The following SEL1L2 variants were observed in gnomAD, a reference collection of about 807,000 sequenced individuals.
SEL1L2 encodes protein sel-1 homolog 2.
In SEL1L2, 89 loss-of-function variants were observed where a neutral mutation model predicts 98.8. The observed-to-expected ratio is 0.90, with a 90% CI of 0.76 to 1.07. SEL1L2 has a LOEUF of 1.07. Ranked by LOEUF, SEL1L2 falls within the 50% of genes least tolerant of loss-of-function variation. The probability of loss-of-function intolerance (pLI) is 0.00; values close to 1 mark genes in which losing one functional copy is unlikely to be tolerated. For synonymous variants in SEL1L2, 262 were observed against 278.5 expected, an observed-to-expected ratio of 0.94 and a Z score of 0.59; for missense variants, 788 against 812.0, an observed-to-expected ratio of 0.97 and a Z score of 0.36.
chr20:13,888,108 A>T (rs1269055607), intron 6 of SEL1L2, 107 bp from the exon 7 acceptor site: 1 of 874,284 alleles, frequency 1.1e-6, no homozygotes, highest in African/African-American at 1.7e-5. Context: ...ATAATGACCC[A>T]TTGAGTTACT....
chr20:13,969,283 C>T (rs1248682563), intron 1 of SEL1L2, among the ~76,000 whole-genome samples: 1 of 152,182 alleles, frequency 6.6e-6, no homozygotes, highest in Non-Finnish European at 1.5e-5. Context: ...TCCCAAGTCA[C>T]CTTCCTTTCT....
intron 1 of SEL1L2, among the ~76,000 whole-genome samples, chr20:13,960,402 A>G (rs1224200641): frequency 6.6e-6 from 1 of 152,134 alleles, no homozygotes; most frequent in East Asian, 1.9e-4. Flanking sequence ...GAATTAGGGA[A>G]ATGGAAGGAA....
At chr20:13,951,304 G>GAAAT (rs1231521088) in intron 2 of SEL1L2, among the ~76,000 whole-genome samples, 37 of 100,096 alleles carry the variant, frequency 3.7e-4, no homozygotes, top group African/African-American at 9.0e-4. Context: ...AAAAAAGAAA[G>GAAAT]AAAGAAAGAA....
At position 13,887,981 on chromosome 20, in the gene SEL1L2, A is replaced by T. The variant is rs1252425657; in HGVS notation, c.624T>A (p.Phe208Leu). 1.9e-6 allele frequency: 3 copies of T among 1,613,734 alleles called. No homozygotes were observed. The Admixed American group carries it at 5.0e-5, about 27-fold the overall frequency. ...DQAKALIYYTFGSAGGNMMSQ... is the reference protein window; with the variant it reads ...DQAKALIYYTLGSAGGNMMSQ... ...ACATCATGTTTCCTCCAGCACTTCC[A>T]AAGGTGTAATATATCAGTGCCTAAA... Residue 208 changes from phenylalanine (F) to leucine (L), a missense_variant, in exon 7 of 20, where the codon TTT becomes TTA. Physicochemically the swap from Phe to Leu is conservative, Grantham distance 22. Coordinates refer to ENST00000284951, the MANE Select transcript of SEL1L2 (RefSeq NM_025229.2).
rs545115084 is a variant in SEL1L2 at position 13,922,381 on chromosome 20, T to G, written c.284-3258A>C. On this transcript the variant is annotated intron_variant, in intron 3 of 19. Coordinates refer to ENST00000284951, the MANE Select transcript of SEL1L2 (RefSeq NM_025229.2). The stretch of plus-strand genomic sequence containing the variant: ...CGATTGCATCTTTATTTGACTAAAC[T>G]CTTTGCTGAGTCATTCTTTCTTGGA... Among the ~76,000 whole-genome samples, 56 of 152,334 alleles carry G rather than the reference T, an allele frequency of 3.7e-4. 1 individual carries two copies. The highest frequency in any genetic ancestry group is 1.3e-3 in the African/African-American group (55 of 41,582).
At chr20:13,945,790 G>C (rs567370739) in intron 2 of SEL1L2, among the ~76,000 whole-genome samples, 2 of 152,048 alleles carry the variant, frequency 1.3e-5, no homozygotes, top group East Asian at 1.9e-4. Flanking sequence ...TCAACACATG[G>C]AAATTATGTA....
intron 12 of SEL1L2, among the ~76,000 whole-genome samples, chr20:13,870,544 A>G (rs765801492): frequency 6.6e-6 from 1 of 152,172 alleles, no homozygotes; most frequent in Non-Finnish European, 1.5e-5. Flanking sequence ...AAGAGTTCAC[A>G]CGCTAGGGGG....
chr20:13,991,447 C>T (rs1440900329), upstream of SEL1L2, among the ~76,000 whole-genome samples: 2 of 152,318 alleles, frequency 1.3e-5, no homozygotes, highest in East Asian at 3.9e-4. Context: ...ACCATTCTTA[C>T]AGGGCTAAAA....
chr20:13,965,761 T>C (rs1010883521), intron 1 of SEL1L2, among the ~76,000 whole-genome samples: 4 of 152,068 alleles, frequency 2.6e-5, no homozygotes, highest in Non-Finnish European at 2.9e-5. Flanking sequence ...AAGACCATCC[T>C]GGCCAACATG....
chr20:13,862,110 C>T (rs1047745309), intron 17 of SEL1L2, among the ~76,000 whole-genome samples: 3 of 152,172 alleles, frequency 2.0e-5, no homozygotes, highest in Non-Finnish European at 4.4e-5. Flanking sequence ...AATCCCAGAA[C>T]CCGGAATGGT....
At chr20:13,953,424 G>A (rs1400875509) in intron 2 of SEL1L2, among the ~76,000 whole-genome samples, 1 of 152,102 alleles carries the variant, frequency 6.6e-6, no homozygotes, top group African/African-American at 2.4e-5. Flanking sequence ...CCAGAACAGC[G>A]CCCCCTGTCA....
intron 1 of SEL1L2, among the ~76,000 whole-genome samples, chr20:13,984,899 G>C (rs2052085462): frequency 1.3e-5 from 2 of 151,904 alleles, no homozygotes; most frequent in African/African-American, 4.8e-5. Flanking sequence ...AACAAATCAG[G>C]GTAATTAGCA....
At chr20:13,938,138 T>G (rs1447186097) in intron 2 of SEL1L2, among the ~76,000 whole-genome samples, 3 of 151,424 alleles carry the variant, frequency 2.0e-5, no homozygotes, top group African/African-American at 7.3e-5. Flanking sequence ...TGGAGAGCAG[T>G]GGTGCGATTT....
At chr20:13,979,745 C>T (rs915069704) in intron 1 of SEL1L2, among the ~76,000 whole-genome samples, 1 of 152,070 alleles carries the variant, frequency 6.6e-6, no homozygotes, top group African/African-American at 2.4e-5. Flanking sequence ...AGACCAGAAA[C>T]TCTAAAAGTA....
At chr20:13,935,685 G>A (rs1277343544) in intron 2 of SEL1L2, among the ~76,000 whole-genome samples, 1 of 152,192 alleles carries the variant, frequency 6.6e-6, no homozygotes, top group Admixed American at 6.5e-5. Flanking sequence ...CCAGGTTCAG[G>A]ATTGGGAGTT....
chr20:13,981,536 T>G (rs1449771148), intron 1 of SEL1L2, among the ~76,000 whole-genome samples: 3 of 152,210 alleles, frequency 2.0e-5, no homozygotes, highest in Non-Finnish European at 4.4e-5. Flanking sequence ...TATACATATA[T>G]CAAAACATCA....
intron 2 of SEL1L2, among the ~76,000 whole-genome samples, chr20:13,950,884 G>A (rs1395147397): frequency 6.6e-6 from 1 of 152,112 alleles, no homozygotes; most frequent in African/African-American, 2.4e-5. Flanking sequence ...AGGGTTACAG[G>A]GGAAGAAGTC....
chr20:13,962,772 G>T (rs2050837438), intron 1 of SEL1L2, among the ~76,000 whole-genome samples: 1 of 152,058 alleles, frequency 6.6e-6, no homozygotes, highest in Non-Finnish European at 1.5e-5. Context: ...AGGATTAGAA[G>T]AATAAAATAT....
At chr20:13,931,483 T>C in intron 3 of SEL1L2, 120 bp downstream of exon 3, 1 of 544,940 alleles carries the variant, frequency 1.8e-6, no homozygotes, top group Non-Finnish European at 2.8e-6. Flanking sequence ...AATTTAATGC[T>C]TTTGTGTGTA....
Sources: gnomAD v4.1 joint callset for allele counts (sites outside exome capture counted in the v4.1 genomes callset) on GRCh38, gnomAD v4.1.1 for gene constraint, MANE v1.5 for transcripts, NCBI Gene and HGNC (gene_info 2026-07-23, HGNC 2026-07-21) for gene names.